The following DPP6 variants were observed in gnomAD, a reference collection of about 807,000 sequenced individuals.
The protein encoded by DPP6 is dipeptidyl peptidase like 6.
A neutral mutation model predicts 122.6 loss-of-function variants in DPP6; 69 were observed. That is an observed-to-expected ratio of 0.56 (90% CI 0.46 to 0.69). The LOEUF (loss-of-function observed/expected upper bound fraction) is 0.69. DPP6 is among the 30% of genes least tolerant of loss of function. The probability of loss-of-function intolerance (pLI) is 0.00; values close to 1 mark genes in which losing one functional copy is unlikely to be tolerated. For synonymous variants in DPP6, 418 were observed against 433.1 expected (o/e 0.97, Z 0.43); for missense variants, 928 against 1,116.9 (o/e 0.83, Z 2.41).
intron 1 of DPP6, among the ~76,000 whole-genome samples, chr7:153,954,531 G>C (rs1802368242): frequency 6.6e-6 from 1 of 152,192 alleles, no homozygotes; most frequent in South Asian, 2.1e-4. Flanking sequence ...GCATCCACTT[G>C]GGTAGGCCTT....
intron 16 of DPP6, among the ~76,000 whole-genome samples, chr7:154,812,857 T>C (rs1176625724): frequency 6.6e-6 from 1 of 152,192 alleles, no homozygotes; most frequent in Non-Finnish European, 1.5e-5. Context: ...CCAACATCAT[T>C]ATAGAGTTCC....
chr7:153,843,272 G>GCA, the DPP6 span, among the ~76,000 whole-genome samples: 1 of 38,696 alleles, frequency 2.6e-5, no homozygotes, highest in African/African-American at 6.3e-5. Context: ...ACACACGCAT[G>GCA]CGCGCGCGCA....
intron 7 of DPP6, among the ~76,000 whole-genome samples, chr7:154,678,339 T>G (rs560297316): frequency 5.3e-5 from 8 of 152,208 alleles, no homozygotes; most frequent in Non-Finnish European, 1.2e-4. Flanking sequence ...TCGCACTACG[T>G]GTATGAGCTG....
At chr7:154,205,781 AAAATT>A (rs796087994) in intron 1 of DPP6, among the ~76,000 whole-genome samples, 29 of 46,102 alleles carry the variant, frequency 6.3e-4, no homozygotes, top group African/African-American at 1.7e-3. Flanking sequence ...AAAAAAAAAA[AAAATT>A]AATTAATTAA....
chr7:154,323,626 GA>G (rs1808170650), intron 1 of DPP6, among the ~76,000 whole-genome samples: 1 of 152,200 alleles, frequency 6.6e-6, no homozygotes. Flanking sequence ...TCTTTCTTGA[GA>G]GGAGAACTCC....
intron 1 of DPP6, among the ~76,000 whole-genome samples, chr7:153,920,266 C>T (rs769561568): frequency 6.6e-6 from 1 of 152,174 alleles, no homozygotes; most frequent in Non-Finnish European, 1.5e-5. Flanking sequence ...TTATAACTTC[C>T]CTTGAAGCAA....
At chr7:154,398,735 T>C (rs1266228513) in intron 1 of DPP6, among the ~76,000 whole-genome samples, 1 of 152,150 alleles carries the variant, frequency 6.6e-6, no homozygotes, top group African/African-American at 2.4e-5. Flanking sequence ...AGTACCAGAC[T>C]CTGGTGTCTC....
chr7:154,297,440 C>T (rs1285692287), intron 1 of DPP6, among the ~76,000 whole-genome samples: 1 of 152,166 alleles, frequency 6.6e-6, no homozygotes, highest in African/African-American at 2.4e-5. Context: ...GATGCTCATG[C>T]ACTTGCTACA....
At chr7:153,865,646 A>G in the DPP6 span, among the ~76,000 whole-genome samples, 1 of 152,148 alleles carries the variant, frequency 6.6e-6, no homozygotes, top group Non-Finnish European at 1.5e-5. Flanking sequence ...AAAATAGTGT[A>G]TTTTTTAAAT....
chr7:154,521,226 G>T (rs1029086205), intron 3 of DPP6, among the ~76,000 whole-genome samples: 2 of 152,120 alleles, frequency 1.3e-5, no homozygotes, highest in African/African-American at 4.8e-5. Flanking sequence ...AATTTTTAAG[G>T]ATTTTTATTC....
chr7:153,964,113 A>G (rs886968742), intron 1 of DPP6, among the ~76,000 whole-genome samples: 10 of 152,136 alleles, frequency 6.6e-5, no homozygotes, highest in African/African-American at 2.4e-4. Flanking sequence ...CTCCTGCCTC[A>G]GCCTCCTGAG....
At chr7:153,992,669 G>A (rs1797234947) in intron 1 of DPP6, among the ~76,000 whole-genome samples, 1 of 152,210 alleles carries the variant, frequency 6.6e-6, no homozygotes, top group South Asian at 2.1e-4. Flanking sequence ...TTCATTGTCA[G>A]TTTAATCACA....
intron 1 of DPP6, among the ~76,000 whole-genome samples, chr7:154,308,331 AAG>A (rs912799747): frequency 2.0e-5 from 3 of 152,146 alleles, no homozygotes; most frequent in Non-Finnish European, 2.9e-5. Context: ...AATGTGTAAA[AAG>A]AGTATTTTGG....
chr7:154,232,010 C>T (rs986430436), intron 1 of DPP6, among the ~76,000 whole-genome samples: 2 of 152,152 alleles, frequency 1.3e-5, no homozygotes, highest in Non-Finnish European at 2.9e-5. Flanking sequence ...CAGGGACTTA[C>T]CCTCAAACAG....
At chr7:154,665,404 TTTG>T (rs970339687) in intron 6 of DPP6, among the ~76,000 whole-genome samples, 1 of 152,214 alleles carries the variant, frequency 6.6e-6, no homozygotes, top group African/African-American at 2.4e-5. Context: ...AACATTAATT[TTTG>T]TTGTTGTTGA....
At chr7:154,284,180 G>A (rs1214024996) in intron 1 of DPP6, among the ~76,000 whole-genome samples, 1 of 152,094 alleles carries the variant, frequency 6.6e-6, no homozygotes, top group Non-Finnish European at 1.5e-5. Flanking sequence ...CTTGGTTGAG[G>A]GGACTGTGAG....
At chr7:153,939,016 A>G (rs1370252504) in intron 1 of DPP6, among the ~76,000 whole-genome samples, 2 of 152,206 alleles carry the variant, frequency 1.3e-5, no homozygotes, top group Non-Finnish European at 2.9e-5. Context: ...CTTATAATAC[A>G]ACACACCTCC....
Position 154,532,875 on chromosome 7 carries a change from T to A in DPP6, c.458-7657T>A, listed in dbSNP as rs185334061. ...GCAGAAACAAAGGTCTCTCTGCCCT[T>A]CCTCCACACTTCTCCCCTAAAGCAG... On this transcript the variant is annotated intron_variant, in intron 3 of 25. Coordinates refer to ENST00000377770, the MANE Select transcript of DPP6 (RefSeq NM_130797.4). Among the ~76,000 whole-genome samples the A allele has an allele frequency of 5.3e-5, 8 of 152,246 alleles. No individual in the cohort carries two copies. In the East Asian group the frequency reaches 1.5e-3, roughly 29 times the overall value.
intron 1 of DPP6, among the ~76,000 whole-genome samples, chr7:154,436,312 C>G (rs1308726711): frequency 6.6e-6 from 1 of 151,638 alleles, no homozygotes; most frequent in Non-Finnish European, 1.5e-5. Flanking sequence ...AAACCTGCCC[C>G]AGCTGGTCAC....
Sources: allele counts gnomAD v4.1 joint callset (sites outside exome capture counted in the v4.1 genomes callset), GRCh38; gene constraint gnomAD v4.1.1; transcripts MANE v1.5; gene names NCBI Gene and HGNC (gene_info 2026-07-23, HGNC 2026-07-21).